The following BABAM2 variants were observed in gnomAD, a reference collection of about 807,000 sequenced individuals.
BABAM2 encodes BRISC and BRCA1 A complex member 2, also known as BRISC and BRCA1-A complex member 2.
BABAM2 carries 31 observed loss-of-function variants against 54.7 expected under a neutral mutation model. The ratio of observed to expected loss-of-function variants is 0.57; its 90% confidence interval spans 0.43 to 0.77. The LOEUF is 0.77. BABAM2 is among the 30% of genes least tolerant of loss of function. The pLI, the probability that BABAM2 is intolerant of heterozygous loss-of-function variation, is 0.00. For missense variants in BABAM2, 364 were observed against 455.8 expected (o/e 0.80, Z 1.83); for synonymous variants, 167 against 162.9 (o/e 1.03, Z -0.19).
intron 7 of BABAM2, among the ~76,000 whole-genome samples, chr2:28,204,299 A>G (rs939484657): frequency 7.9e-5 from 12 of 152,182 alleles, no homozygotes; most frequent in African/African-American, 2.7e-4. Flanking sequence ...GTAATTTTGT[A>G]TTTGCATTAA....
At chr2:27,989,588 T>C in intron 4 of BABAM2, among the ~76,000 whole-genome samples, 1 of 152,044 alleles carries the variant, frequency 6.6e-6, no homozygotes, top group East Asian at 1.9e-4. Context: ...GTGGGGCACA[T>C]TGAATGCTGG....
At chr2:27,951,771 G>A (rs766725207) in intron 3 of BABAM2, among the ~76,000 whole-genome samples, 2 of 152,120 alleles carry the variant, frequency 1.3e-5, no homozygotes, top group Non-Finnish European at 2.9e-5. Flanking sequence ...AAGTTCTTTA[G>A]TGGTGATTTG....
chr2:28,297,568 A>T (rs547509222), intron 10 of BABAM2, among the ~76,000 whole-genome samples: 1 of 152,250 alleles, frequency 6.6e-6, no homozygotes, highest in Non-Finnish European at 1.5e-5. Flanking sequence ...GATAAAGCAT[A>T]TAACACATGT....
At chr2:28,232,255 A>C (rs1410810638) in intron 7 of BABAM2, among the ~76,000 whole-genome samples, 1 of 152,178 alleles carries the variant, frequency 6.6e-6, no homozygotes, top group Non-Finnish European at 1.5e-5. Context: ...TGCTCATTTT[A>C]CTTGACCAGT....
At chr2:28,126,691 T>C (rs1422289892) in intron 6 of BABAM2, among the ~76,000 whole-genome samples, 2 of 122,292 alleles carry the variant, frequency 1.6e-5, no homozygotes, top group African/African-American at 6.2e-5. Context: ...ATGGTATTTC[T>C]AGTTCTAGAT....
Position 28,266,176 on chromosome 2 carries a change from G to A in BABAM2, c.934+21314G>A, listed in dbSNP as rs571140824. 5.3e-5 allele frequency among the ~76,000 whole-genome samples: 8 copies of A among 152,270 alleles called. No individual in the cohort carries two copies. The East Asian group carries it at 1.4e-3, about 26-fold the overall frequency. ...AGTTTTTTGTATTTTTAGTAGAGAC[G>A]AGGTTTCGCCATGTTGGCCAGGCTG... On this transcript the variant is annotated intron_variant, in intron 10 of 11. Transcript: ENST00000379624.
At chr2:27,993,229 G>C (rs1672902124) in intron 4 of BABAM2, among the ~76,000 whole-genome samples, 1 of 152,154 alleles carries the variant, frequency 6.6e-6, no homozygotes. Flanking sequence ...CTTCAGGAGA[G>C]AGTGGAATTT....
intron 2 of BABAM2, among the ~76,000 whole-genome samples, chr2:27,923,210 C>T (rs1667457704): frequency 6.6e-6 from 1 of 152,168 alleles, no homozygotes; most frequent in African/African-American, 2.4e-5. Context: ...CAGTATATCA[C>T]CCTGAATTCT....
intron 7 of BABAM2, among the ~76,000 whole-genome samples, chr2:28,221,955 A>G (rs540410861): frequency 1.5e-4 from 23 of 152,280 alleles, no homozygotes; most frequent in Non-Finnish European, 2.5e-4. Flanking sequence ...TTGGTTCCTA[A>G]TGAAATGAGG....
At chr2:27,937,801 C>G (rs889044600) in intron 3 of BABAM2, among the ~76,000 whole-genome samples, 1 of 152,090 alleles carries the variant, frequency 6.6e-6, no homozygotes, top group Non-Finnish European at 1.5e-5. Flanking sequence ...TGTGCAGAAG[C>G]TTCTTAGTTT....
At chr2:27,946,914 C>G (rs1573235031) in intron 3 of BABAM2, among the ~76,000 whole-genome samples, 1 of 152,152 alleles carries the variant, frequency 6.6e-6, no homozygotes, top group Admixed American at 6.6e-5. Context: ...TATTCTTTTA[C>G]TGCCTGTGTG....
chr2:27,989,101 G>C (rs192021339), intron 4 of BABAM2, among the ~76,000 whole-genome samples: 19 of 152,136 alleles, frequency 1.2e-4, no homozygotes, highest in African/African-American at 4.1e-4. Context: ...TTGAACATCA[G>C]CTGTAATTTT....
At chr2:28,148,793 T>C (rs1399456767) in intron 7 of BABAM2, among the ~76,000 whole-genome samples, 4 of 152,208 alleles carry the variant, frequency 2.6e-5, no homozygotes, top group Admixed American at 2.6e-4. Flanking sequence ...CCTCCTTGCT[T>C]ATGAAACCCA....
chr2:28,175,008 A>G (rs532685193), intron 7 of BABAM2, among the ~76,000 whole-genome samples: 1 of 152,140 alleles, frequency 6.6e-6, no homozygotes, highest in African/African-American at 2.4e-5. Flanking sequence ...GCCAAAATGC[A>G]TGCTTCCCAG....
intron 4 of BABAM2, among the ~76,000 whole-genome samples, chr2:28,002,506 T>A (rs934067482): frequency 5.9e-5 from 9 of 152,106 alleles, no homozygotes; most frequent in South Asian, 2.1e-4. Context: ...AAGTTTTTTT[T>A]AAAAAAGCTA....
intron 3 of BABAM2, among the ~76,000 whole-genome samples, chr2:27,953,660 A>C (rs10205313): frequency 0.74 from 111,640 of 151,672 alleles, 42,154 homozygotes; most frequent in Middle Eastern, 0.87. Context: ...AAAAAAAAAT[A>C]TTTCTTTTTT....
intron 11 of BABAM2, chr2:28,327,543 GTCC>G: frequency 7.2e-7 from 1 of 1,386,828 alleles, no homozygotes. Flanking sequence ...TGTTGTTGAA[GTCC>G]TCCTAAAACG....
At chr2:28,183,456 A>G (rs1234901150) in intron 7 of BABAM2, among the ~76,000 whole-genome samples, 1 of 152,154 alleles carries the variant, frequency 6.6e-6, no homozygotes, top group Admixed American at 6.6e-5. Context: ...AAAAATTTAC[A>G]AAACATATTT....
rs1327367491 is a variant in BABAM2, at chr2:28,317,080, T to C, written c.1088+18589T>C. ...GGCTGCATGTCCTTCGGCACTGCCG[T>C]GCTCAGCTTTATGCTTTGACCCTCC... On this transcript the variant is annotated intron_variant, in intron 11 of 11. Transcript: ENST00000379624. Among the ~76,000 whole-genome samples, 16 of 152,266 alleles carry C rather than the reference T, an allele frequency of 1.1e-4. 1 individual carries two copies. The highest frequency in any genetic ancestry group is 3.8e-4 in the African/African-American group (16 of 41,562).
Sources: allele counts gnomAD v4.1 joint callset (sites outside exome capture counted in the v4.1 genomes callset), GRCh38; gene constraint gnomAD v4.1.1; transcripts MANE v1.5; gene names NCBI Gene and HGNC (gene_info 2026-07-23, HGNC 2026-07-21).